The following TRPA1 variants were observed in gnomAD, a reference collection of about 807,000 sequenced individuals.
TRPA1 encodes ankyrin-like with transmembrane domains 1.
TRPA1 carries 129 observed loss-of-function variants against 131.3 expected under a neutral mutation model. That is an observed-to-expected ratio of 0.98 (90% CI 0.85 to 1.14). TRPA1 has a LOEUF of 1.14. Ranked by LOEUF, TRPA1 falls within the 50% of genes most tolerant of loss-of-function variation. The pLI, the probability that TRPA1 is intolerant of heterozygous loss-of-function variation, is 0.00. For missense variants in TRPA1, 1,304 were observed against 1,354.2 expected, an observed-to-expected ratio of 0.96 and a Z score of 0.58; for synonymous variants, 441 against 451.7, an observed-to-expected ratio of 0.98 and a Z score of 0.30.
In TRPA1 at chr8:72,036,758, T is replaced by C. The variant is rs192255331; in HGVS notation, c.2386-301A>G. On this transcript the variant is annotated intron_variant, in intron 20 of 26. Coordinates refer to ENST00000262209, the MANE Select transcript of TRPA1 (RefSeq NM_007332.3). ...TCCACTCCATCTTAAGAAAACTTCT[T>C]GGGGACTGCAAGTTGGTTCAGTAAT... Among the ~76,000 whole-genome samples, 264 of 152,318 alleles carry C rather than the reference T, an allele frequency of 1.7e-3. 4 individuals are homozygous for C. Among genetic ancestry groups the C allele is most frequent in the Non-Finnish European group, 3.2e-3 (221 of 68,018 alleles).
chr8:72,034,563 G>A (rs1217128822), intron 21 of TRPA1, among the ~76,000 whole-genome samples, 186 bp from the exon 22 acceptor site: 1 of 152,150 alleles, frequency 6.6e-6, no homozygotes, highest in African/African-American at 2.4e-5. Flanking sequence ...CAAGCTGTTA[G>A]TCAAATTACT....
At chr8:72,035,180 C>G (rs529020436) in intron 21 of TRPA1, among the ~76,000 whole-genome samples, 15 of 152,258 alleles carry the variant, frequency 9.9e-5, no homozygotes, top group African/African-American at 3.4e-4. Flanking sequence ...ACAAAGATGA[C>G]TTATTAAATG....
chr8:72,054,906 T>A (rs1452715408), intron 12 of TRPA1: 1 of 152,830 alleles, frequency 6.5e-6, no homozygotes, highest in South Asian at 2.1e-4. Flanking sequence ...ATTTTAACTT[T>A]GTTTCTTGTA....
chr8:72,064,236 C>A (rs73687863), intron 4 of TRPA1, among the ~76,000 whole-genome samples: 1 of 142,982 alleles, frequency 7.0e-6, no homozygotes. Context: ...TTACTCTATA[C>A]ATAATAGTCC....
chr8:72,052,963 A>ATGTGTGTGTGTGTGTGTGTG, intron 13 of TRPA1, 198 bp from the exon 14 acceptor site: 1 of 325,092 alleles, frequency 3.1e-6, no homozygotes, highest in Non-Finnish European at 5.5e-6. Context: ...TGGGAAGTGG[A>ATGTGTGTGTGTGTGTGTGTG]TCTGTGTGTG....
chr8:72,044,198 T>C (rs1368880926), intron 17 of TRPA1, among the ~76,000 whole-genome samples: 1 of 150,672 alleles, frequency 6.6e-6, no homozygotes, highest in Non-Finnish European at 1.5e-5. Flanking sequence ...TATATCTAGC[T>C]ATTCTTGGGA....
At chr8:72,044,750 C>T (rs1161363511) in intron 17 of TRPA1, among the ~76,000 whole-genome samples, 3 of 151,906 alleles carry the variant, frequency 2.0e-5, no homozygotes, top group Non-Finnish European at 4.4e-5. Context: ...AATTTCTCAT[C>T]AGGCCAGTTA....
At chr8:72,064,821 G>GCCAGAAGCAGA (rs1563402759) in intron 4 of TRPA1, among the ~76,000 whole-genome samples, 1 of 15,546 alleles carries the variant, frequency 6.4e-5, no homozygotes, top group Admixed American at 8.8e-4. Context: ...ATGGAGCACT[G>GCCAGAAGCAGA]AGGAAGTCAT....
At chr8:72,031,585 A>C (rs1199392724) in intron 23 of TRPA1, among the ~76,000 whole-genome samples, 1 of 143,588 alleles carries the variant, frequency 7.0e-6, no homozygotes, top group Non-Finnish European at 1.5e-5. Context: ...CTCAAAAAAA[A>C]CAAAAAAACA....
At chr8:72,049,301 G>C (rs768642918) in intron 15 of TRPA1, among the ~76,000 whole-genome samples, 3 of 152,112 alleles carry the variant, frequency 2.0e-5, no homozygotes, top group African/African-American at 4.8e-5. Context: ...TGTAAGATCA[G>C]TATTAGCATC....
chr8:72,080,498 T>C (rs1489714084), upstream of TRPA1, among the ~76,000 whole-genome samples: 2 of 151,754 alleles, frequency 1.3e-5, no homozygotes, highest in Admixed American at 6.6e-5. Flanking sequence ...AAGATTTCTG[T>C]GTTTAGGCTC....
At chr8:72,062,368 C>G (rs966371474) in intron 6 of TRPA1, 2 of 185,166 alleles carry the variant, frequency 1.1e-5, no homozygotes, top group African/African-American at 4.8e-5. Flanking sequence ...GCCATAAGGT[C>G]AGATCCCAAA....
chr8:72,024,827 T>G (rs117365648), intron 25 of TRPA1, among the ~76,000 whole-genome samples: 3,096 of 152,146 alleles, frequency 0.02, 56 homozygotes, highest in Non-Finnish European at 0.035. Flanking sequence ...CATGGACATG[T>G]GTGAAATCAG....
At chr8:72,084,845 T>G in the TRPA1 span, among the ~76,000 whole-genome samples, 1 of 151,852 alleles carries the variant, frequency 6.6e-6, no homozygotes, top group African/African-American at 2.4e-5. Flanking sequence ...AGAGACGAGG[T>G]TTCATTCTGT....
chr8:72,072,779 G>A (rs1806094780), intron 1 of TRPA1, among the ~76,000 whole-genome samples: 1 of 152,166 alleles, frequency 6.6e-6, no homozygotes, highest in South Asian at 2.1e-4. Flanking sequence ...GGAAAGAGCA[G>A]TTTGGGATGT....
chr8:72,022,820 G>T lies in TRPA1; in HGVS notation c.*86C>A. 4 of 1,261,396 alleles carry T rather than the reference G, an allele frequency of 3.2e-6. No homozygotes were observed. The highest frequency in any genetic ancestry group is 4.6e-6 in the Non-Finnish European group (4 of 871,192). 78.1% of individuals were successfully genotyped at this position (1,261,396 alleles called of 1,614,324 possible). ...CACACGCAGCAAAATGAATCATTCT[G>T]CTTCTTCCTCACTCTTTTTAAATTG... On this transcript the variant is annotated 3_prime_UTR_variant, in exon 27 of 27. Coordinates refer to ENST00000262209, the MANE Select transcript of TRPA1 (RefSeq NM_007332.3).
At chr8:72,065,106 C>T (rs899637091) in intron 4 of TRPA1, among the ~76,000 whole-genome samples, 6 of 152,178 alleles carry the variant, frequency 3.9e-5, no homozygotes, top group Admixed American at 1.3e-4. Flanking sequence ...CAGAATCATA[C>T]ATTTGATCCA....
chr8:72,078,019 A>G (rs766590715), upstream of TRPA1, among the ~76,000 whole-genome samples: 17 of 151,810 alleles, frequency 1.1e-4, no homozygotes, highest in Non-Finnish European at 1.9e-4. Context: ...ATAATAAATA[A>G]TTTTATTTAA....
At chr8:72,074,629 C>G (rs1374679202) in intron 1 of TRPA1, among the ~76,000 whole-genome samples, 1 of 152,146 alleles carries the variant, frequency 6.6e-6, no homozygotes, top group Non-Finnish European at 1.5e-5. Flanking sequence ...TTAGACTAAG[C>G]CATCAGGTAG....
Sources: allele counts gnomAD v4.1 joint callset (sites outside exome capture counted in the v4.1 genomes callset), GRCh38; gene constraint gnomAD v4.1.1; transcripts MANE v1.5; gene names NCBI Gene and HGNC (gene_info 2026-07-23, HGNC 2026-07-21).